NPTN: variants seen among roughly 807,000 people sequenced by gnomAD.
NPTN encodes the protein neuroplastin.
In NPTN, 5 loss-of-function variants were observed where a neutral mutation model predicts 42.7. That is an observed-to-expected ratio of 0.12 (90% CI 0.06 to 0.25). The LOEUF is 0.25. NPTN is among the 10% of genes least tolerant of loss of function. The pLI is 1.00. For synonymous variants in NPTN, 180 were observed against 201.9 expected (o/e 0.89, Z 0.92); for missense variants, 307 against 525.4 (o/e 0.58, Z 4.06).
chr15:73,630,806 T>C (rs1329769221), intron 1 of NPTN, among the ~76,000 whole-genome samples: 3 of 152,206 alleles, frequency 2.0e-5, no homozygotes, highest in Non-Finnish European at 2.9e-5. Flanking sequence ...TGACATGAAG[T>C]CAGATCACTG....
At position 73,595,838 on chromosome 15, in the gene NPTN, T is replaced by C. The variant is rs565190673; in HGVS notation, c.439+1184A>G. ...CCTCTCTCTGCTTCTCAACATAAGG[T>C]AGCAAGTCACTTTCAAGAAAGAGAG... On this transcript the variant is annotated intron_variant, in intron 2 of 8. Coordinates refer to ENST00000345330, the MANE Select transcript of NPTN (RefSeq NM_012428.4). Among the ~76,000 whole-genome samples, 10 of 152,190 alleles carry C rather than the reference T, an allele frequency of 6.6e-5. No homozygotes were observed. In the South Asian group the frequency reaches 2.1e-3, roughly 32 times the overall value.
At chr15:73,567,936 T>C (rs1895128806) in intron 6 of NPTN, 1 of 985,338 alleles carries the variant, frequency 1.0e-6, no homozygotes, top group Admixed American at 6.1e-5. Context: ...AGGTTTTACT[T>C]TGCACTTACC....
chr15:73,590,904 A>T (rs1293597353), intron 3 of NPTN, among the ~76,000 whole-genome samples: 1 of 149,184 alleles, frequency 6.7e-6, no homozygotes. Context: ...TAAATTTCTA[A>T]TTTTTTTTTT....
At chr15:73,588,046 C>A (rs1197848644) in intron 3 of NPTN, among the ~76,000 whole-genome samples, 1 of 152,090 alleles carries the variant, frequency 6.6e-6, no homozygotes, top group Non-Finnish European at 1.5e-5. Flanking sequence ...TCAAGACCAG[C>A]CTGGCCAAGA....
At chr15:73,607,923 C>G (rs761383295) in intron 1 of NPTN, among the ~76,000 whole-genome samples, 94 of 152,094 alleles carry the variant, frequency 6.2e-4, no homozygotes, top group Non-Finnish European at 9.8e-4. Flanking sequence ...CTTGGAGAAT[C>G]TGAAACTGTG....
At chr15:73,592,453 A>T (rs1896638104) in intron 2 of NPTN, among the ~76,000 whole-genome samples, 1 of 152,172 alleles carries the variant, frequency 6.6e-6, no homozygotes, top group African/African-American at 2.4e-5. Context: ...AGAACCACCA[A>T]ACAATTCGGC....
In NPTN at chr15:73,560,187, C is replaced by A; in HGVS notation, c.*876G>T. 3.6e-6 allele frequency: 1 copy of A among 275,520 alleles called. No homozygotes were observed. The highest frequency in any genetic ancestry group is 6.2e-5 in the South Asian group (1 of 16,198). The allele number at this position is 275,520 out of a possible 1,614,324, so 17.1% of individuals were successfully genotyped here. On this transcript the variant is annotated 3_prime_UTR_variant, in exon 9 of 9. Transcript: ENST00000345330. The stretch of plus-strand genomic sequence containing the variant: ...ACCAGTAAATCAATGTGAAAAAATA[C>A]AGTGTCAAACCAAAAAGTATAACTA...
At chr15:73,572,448 G>A (rs1038417607) in intron 5 of NPTN, among the ~76,000 whole-genome samples, 5 of 152,238 alleles carry the variant, frequency 3.3e-5, no homozygotes, top group South Asian at 2.1e-4. Context: ...CCCACTGATC[G>A]GAAAAGATGT....
chr15:73,624,253 T>C lies in NPTN; in HGVS notation c.91+8872A>G, dbSNP rs1898286399. Reference sequence around the variant, plus strand: ...ATACGTGATCACTATGTTATTTGTGTAAGGGTAATTCAATGACAGTTCACT... The same window carrying C: ...ATACGTGATCACTATGTTATTTGTGCAAGGGTAATTCAATGACAGTTCACT... On this transcript the variant is annotated intron_variant, in intron 1 of 8. Coordinates refer to ENST00000345330, the MANE Select transcript of NPTN (RefSeq NM_012428.4). Among the ~76,000 whole-genome samples the C allele has an allele frequency of 3.3e-5, 5 of 152,248 alleles. No homozygotes were observed. The South Asian group carries it at 8.3e-4, about 25-fold the overall frequency.
At chr15:73,593,857 A>G (rs192366501) in intron 2 of NPTN, among the ~76,000 whole-genome samples, 1 of 152,318 alleles carries the variant, frequency 6.6e-6, no homozygotes, top group Non-Finnish European at 1.5e-5. Context: ...AGCAGCCACT[A>G]AGACAGAAGC....
intron 6 of NPTN, chr15:73,567,290 T>C: frequency 5.1e-6 from 5 of 985,392 alleles, no homozygotes; most frequent in Non-Finnish European, 6.0e-6. Flanking sequence ...AATAAAGTGC[T>C]ATTTGGCAAA....
At chr15:73,593,581 G>C (rs1208438961) in intron 2 of NPTN, among the ~76,000 whole-genome samples, 3 of 152,194 alleles carry the variant, frequency 2.0e-5, no homozygotes, top group African/African-American at 4.8e-5. Flanking sequence ...GTTGCTTGCT[G>C]TTCAGGGAGG....
chr15:73,630,132 AT>A (rs1898656648), intron 1 of NPTN, among the ~76,000 whole-genome samples: 1 of 152,242 alleles, frequency 6.6e-6, no homozygotes, highest in African/African-American at 2.4e-5. Context: ...TCAGGCTGAA[AT>A]CTAAGCGGTC....
At chr15:73,622,524 G>C (rs187415177) in intron 1 of NPTN, among the ~76,000 whole-genome samples, 44 of 147,300 alleles carry the variant, frequency 3.0e-4, no homozygotes, top group Admixed American at 3.0e-3. Context: ...AAAGCCTGAC[G>C]CCCTCAGCCC....
chr15:73,624,516 A>G (rs993001840), intron 1 of NPTN, among the ~76,000 whole-genome samples: 3 of 152,224 alleles, frequency 2.0e-5, no homozygotes, highest in African/African-American at 7.2e-5. Flanking sequence ...ACATTCCTTC[A>G]ATCTATGAAT....
At chr15:73,627,408 C>T (rs1239615502) in intron 1 of NPTN, among the ~76,000 whole-genome samples, 1 of 152,134 alleles carries the variant, frequency 6.6e-6, no homozygotes, top group African/African-American at 2.4e-5. Context: ...CAAAATGTTT[C>T]CCTCGAGCTG....
chr15:73,614,138 C>T (rs1279057158), intron 1 of NPTN, among the ~76,000 whole-genome samples: 1 of 150,570 alleles, frequency 6.6e-6, no homozygotes, highest in African/African-American at 2.4e-5. Flanking sequence ...CAGACAAAAC[C>T]TCATCTCTAC....
chr15:73,625,426 C>T (rs1055707656), intron 1 of NPTN, among the ~76,000 whole-genome samples: 5 of 151,916 alleles, frequency 3.3e-5, no homozygotes, highest in African/African-American at 9.7e-5. Context: ...TCTCGGCTCC[C>T]GGGTTCACGC....
intron 1 of NPTN, 89 bp downstream of exon 1, chr15:73,633,036 C>T: frequency 3.2e-6 from 3 of 945,342 alleles, no homozygotes; most frequent in Non-Finnish European, 4.3e-6. Context: ...CTTCCCCGAG[C>T]TCCAGCGTCT....
Sources: allele counts gnomAD v4.1 joint callset (sites outside exome capture counted in the v4.1 genomes callset), GRCh38; gene constraint gnomAD v4.1.1; transcripts MANE v1.5; gene names NCBI Gene and HGNC (gene_info 2026-07-23, HGNC 2026-07-21).